Variants in UBE2R2 observed in about 807,000 individuals in gnomAD.
The protein encoded by UBE2R2 is ubiquitin-conjugating enzyme E2 R2.
In UBE2R2, 1 loss-of-function variant was observed where a neutral mutation model predicts 27.8. The observed-to-expected ratio is 0.04, with a 90% CI of 0.01 to 0.17. The LOEUF (loss-of-function observed/expected upper bound fraction) is 0.17, where lower values mean the gene tolerates loss of function less well. Among genes scored for constraint, UBE2R2 ranks in the 10% least tolerant of loss-of-function variants. The pLI is 1.00. For missense variants in UBE2R2, 100 were observed against 291.0 expected (o/e 0.34, Z 4.78); for synonymous variants, 106 against 113.3 (o/e 0.94, Z 0.41).
intron 3 of UBE2R2, among the ~76,000 whole-genome samples, chr9:33,910,720 C>G (rs973353926): frequency 8.5e-5 from 13 of 152,230 alleles, no homozygotes; most frequent in African/African-American, 3.1e-4. Context: ...TTCCTCCATT[C>G]TCCTGCATTA....
chr9:33,866,210 A>G (rs1433778861), intron 1 of UBE2R2, among the ~76,000 whole-genome samples: 4 of 151,324 alleles, frequency 2.6e-5, no homozygotes, highest in African/African-American at 9.7e-5. Context: ...TTAAATACAC[A>G]TGGTTATCAT....
chr9:33,829,471 C>G (rs1255146234), intron 1 of UBE2R2, among the ~76,000 whole-genome samples: 1 of 152,104 alleles, frequency 6.6e-6, no homozygotes, highest in Non-Finnish European at 1.5e-5. Flanking sequence ...CACTGAATGC[C>G]TAGACTTCAC....
intron 1 of UBE2R2, among the ~76,000 whole-genome samples, chr9:33,828,770 G>C (rs1398543000): frequency 1.3e-5 from 2 of 149,340 alleles, no homozygotes; most frequent in South Asian, 2.1e-4. Flanking sequence ...TTTTGCTCTT[G>C]TTGCCCTGGC....
rs1229056151 is a variant in UBE2R2, at chr9:33,918,999, CT to C, written c.*1763del. The C allele has an allele frequency of 6.5e-6, 1 of 153,008 alleles. No homozygotes were observed. The highest frequency in any genetic ancestry group is 1.5e-5 in the Non-Finnish European group (1 of 68,438). The allele number at this position is 153,008 out of a possible 1,614,324, so 9.5% of individuals were successfully genotyped here. ...CCCTTCCCAGCCTCTAAAGTTTGGT[CT>C]GGTATGAAATGGGACTGTTTAACAA... On this transcript the variant is annotated 3_prime_UTR_variant, in exon 5 of 5. Coordinates refer to ENST00000263228, the MANE Select transcript of UBE2R2 (RefSeq NM_017811.4).
At chr9:33,855,271 T>G (rs181302904) in intron 1 of UBE2R2, among the ~76,000 whole-genome samples, 1 of 152,348 alleles carries the variant, frequency 6.6e-6, no homozygotes, top group East Asian at 1.9e-4. Context: ...TCCTGTGATA[T>G]TTTTCTCTCA....
chr9:33,818,162 C>T (rs933548327), intron 1 of UBE2R2, among the ~76,000 whole-genome samples: 3 of 151,984 alleles, frequency 2.0e-5, no homozygotes, highest in Non-Finnish European at 2.9e-5. Flanking sequence ...GCAGGCTGCA[C>T]CGGGAAATCG....
At chr9:33,872,702 C>T (rs1315462067) in intron 1 of UBE2R2, among the ~76,000 whole-genome samples, 1 of 151,634 alleles carries the variant, frequency 6.6e-6, no homozygotes, top group Non-Finnish European at 1.5e-5. Context: ...AGGAGAATCG[C>T]TTGAACCTGG....
At chr9:33,859,968 A>G (rs60526731) in intron 1 of UBE2R2, among the ~76,000 whole-genome samples, 29,677 of 151,884 alleles carry the variant, frequency 0.2, 3,527 homozygotes, top group East Asian at 0.55. Context: ...CACCATGTCC[A>G]GCTAATTTTT....
At chr9:33,859,789 TGTGTGTGTGTGAGAGAGAGA>T (rs769909006) in intron 1 of UBE2R2, among the ~76,000 whole-genome samples, 217 of 108,662 alleles carry the variant, frequency 2.0e-3, no homozygotes, top group Non-Finnish European at 3.0e-3. Context: ...TGTGTGTGTG[TGTGTGTGTGTGAGAGAGAGA>T]GAGAGAGAGA....
At chr9:33,871,437 T>TA (rs1821481700) in intron 1 of UBE2R2, among the ~76,000 whole-genome samples, 1 of 152,244 alleles carries the variant, frequency 6.6e-6, no homozygotes, top group Non-Finnish European at 1.5e-5. Flanking sequence ...GTTGAAACTT[T>TA]AAAAATTAAT....
At position 33,908,414 on chromosome 9, in the gene UBE2R2, GTA is replaced by G. The variant is rs978669526; in HGVS notation, c.363-3547_363-3546del. ...ACTGCTGTAGGTAGGTAGGTTGTTT[GTA>G]TAGGAGGTGTGGCACAATGGTAGGA... is the stretch of plus-strand genomic sequence containing the variant. On this transcript the variant is annotated intron_variant, in intron 3 of 4. Coordinates refer to ENST00000263228, the MANE Select transcript of UBE2R2 (RefSeq NM_017811.4). Among the ~76,000 whole-genome samples the G allele has an allele frequency of 2.7e-4, 41 of 152,254 alleles. 1 individual carries two copies. Among genetic ancestry groups the G allele is most frequent in the African/African-American group, 9.4e-4 (39 of 41,540 alleles).
chr9:33,824,638 CAA>C (rs751827970), intron 1 of UBE2R2, among the ~76,000 whole-genome samples: 13 of 81,442 alleles, frequency 1.6e-4, no homozygotes, highest in Non-Finnish European at 1.0e-4. Context: ...GGCTCTGTCT[CAA>C]AAAAAAAAAA....
intron 1 of UBE2R2, chr9:33,818,661 C>G (rs563740467): frequency 1.5e-4 from 23 of 152,146 alleles, no homozygotes; most frequent in African/African-American, 5.5e-4. Flanking sequence ...GCCCTTTGTC[C>G]TCACCATGCC....
chr9:33,876,915 AAAAC>A (rs1238816020), intron 1 of UBE2R2, among the ~76,000 whole-genome samples: 1 of 151,818 alleles, frequency 6.6e-6, no homozygotes, highest in African/African-American at 2.4e-5. Flanking sequence ...CTCCATCTAA[AAAAC>A]AAATAAAATA....
At chr9:33,851,344 G>A (rs1177959476) in intron 1 of UBE2R2, among the ~76,000 whole-genome samples, 1 of 152,146 alleles carries the variant, frequency 6.6e-6, no homozygotes, top group Non-Finnish European at 1.5e-5. Context: ...CAACAATTAT[G>A]AAGTTAATAA....
At chr9:33,873,782 C>G (rs1474970085) in intron 1 of UBE2R2, among the ~76,000 whole-genome samples, 1 of 152,004 alleles carries the variant, frequency 6.6e-6, no homozygotes, top group African/African-American at 2.4e-5. Flanking sequence ...GTCATAGGCT[C>G]AAGCCATCAT....
At chr9:33,867,781 TG>T (rs1313216218) in intron 1 of UBE2R2, among the ~76,000 whole-genome samples, 1 of 152,144 alleles carries the variant, frequency 6.6e-6, no homozygotes, top group Non-Finnish European at 1.5e-5. Context: ...TAGCTGGGCA[TG>T]GTGGTATGCG....
At chr9:33,819,885 C>T (rs1027381264) in intron 1 of UBE2R2, among the ~76,000 whole-genome samples, 23 of 152,224 alleles carry the variant, frequency 1.5e-4, no homozygotes, top group Non-Finnish European at 3.1e-4. Flanking sequence ...GATCAACCCG[C>T]CTCTGCCTCC....
At chr9:33,840,439 T>A (rs1028594765) in intron 1 of UBE2R2, among the ~76,000 whole-genome samples, 1 of 152,228 alleles carries the variant, frequency 6.6e-6, no homozygotes, top group Non-Finnish European at 1.5e-5. Flanking sequence ...AGTTTTTATG[T>A]TGAAGAACCC....
Sources: gnomAD v4.1 joint callset for allele counts (sites outside exome capture counted in the v4.1 genomes callset) on GRCh38, gnomAD v4.1.1 for gene constraint, MANE v1.5 for transcripts, NCBI Gene and HGNC (gene_info 2026-07-23, HGNC 2026-07-21) for gene names.